EPHA6: variants seen among roughly 807,000 people sequenced by gnomAD.
EPHA6 encodes the protein ephrin type-A receptor 6.
EPHA6 carries 50 observed loss-of-function variants against 112.0 expected under a neutral mutation model. That is an observed-to-expected ratio of 0.45 (90% CI 0.36 to 0.56). EPHA6 has a LOEUF of 0.56. EPHA6 is among the 20% of genes least tolerant of loss of function. The pLI is 0.00. For missense variants in EPHA6, 1,280 were observed against 1,417.4 expected, an observed-to-expected ratio of 0.90 and a Z score of 1.56; for synonymous variants, 529 against 490.7, an observed-to-expected ratio of 1.08 and a Z score of -1.03.
chr3:97,048,308 C>T (rs72918249), intron 3 of EPHA6, among the ~76,000 whole-genome samples: 2,712 of 152,138 alleles, frequency 0.018, 93 homozygotes, highest in African/African-American at 0.061. Flanking sequence ...GTTTAGTAAA[C>T]GGAGTGGAGT....
chr3:96,926,172 A>G (rs2040025765), intron 2 of EPHA6, among the ~76,000 whole-genome samples: 1 of 152,158 alleles, frequency 6.6e-6, no homozygotes, highest in South Asian at 2.1e-4. Flanking sequence ...CATGTCTTAC[A>G]TGGCAGCAGG....
At chr3:97,405,116 C>A (rs1369478809) in intron 5 of EPHA6, 34 bp from the exon 6 acceptor site, 3 of 1,553,736 alleles carry the variant, frequency 1.9e-6, no homozygotes, top group East Asian at 4.7e-5. Flanking sequence ...ATGATTCCTG[C>A]CAATTAATTC....
chr3:97,145,207 C>A (rs538476167), intron 3 of EPHA6, among the ~76,000 whole-genome samples: 1 of 151,298 alleles, frequency 6.6e-6, no homozygotes, highest in South Asian at 2.1e-4. Flanking sequence ...TCAAATAAAA[C>A]TATATTGACA....
At chr3:97,748,290 T>C (rs968437547) in intron 17 of EPHA6, among the ~76,000 whole-genome samples, 1 of 152,072 alleles carries the variant, frequency 6.6e-6, no homozygotes. Flanking sequence ...CATAAGTACC[T>C]GTGTATAAAA....
At chr3:96,854,849 T>TA (rs1181326468) in intron 1 of EPHA6, among the ~76,000 whole-genome samples, 1 of 152,180 alleles carries the variant, frequency 6.6e-6, no homozygotes, top group African/African-American at 2.4e-5. Context: ...GAAGGTGATT[T>TA]AAAAACCTTA....
intron 16 of EPHA6, among the ~76,000 whole-genome samples, chr3:97,736,470 A>AGT (rs376497031): frequency 0.2 from 23,731 of 118,518 alleles, 2,260 homozygotes; most frequent in Non-Finnish European, 0.22. Context: ...AGAGAGAGAG[A>AGT]GTGTGTGTGT....
intron 5 of EPHA6, among the ~76,000 whole-genome samples, chr3:97,327,993 A>G (rs1458881560): frequency 7.3e-6 from 1 of 137,926 alleles, no homozygotes; most frequent in Non-Finnish European, 1.5e-5. Context: ...ATATATGTAT[A>G]TGTGTATGTA....
chr3:97,247,778 G>A (rs2079026062), intron 5 of EPHA6, among the ~76,000 whole-genome samples: 1 of 151,810 alleles, frequency 6.6e-6, no homozygotes, highest in African/African-American at 2.4e-5. Context: ...GAAGATGCTG[G>A]AATTTTTCCA....
At chr3:97,167,694 A>G (rs1272608750) in intron 3 of EPHA6, among the ~76,000 whole-genome samples, 1 of 152,120 alleles carries the variant, frequency 6.6e-6, no homozygotes, top group Non-Finnish European at 1.5e-5. Context: ...TCTAAAGAAT[A>G]GTGTTCATTA....
At position 97,389,823 on chromosome 3, in the gene EPHA6, G is replaced by A. The variant is rs559460045; in HGVS notation, c.1607-15327G>A. 1.5e-4 allele frequency among the ~76,000 whole-genome samples: 23 copies of A among 152,172 alleles called. No individual in the cohort carries two copies. In the South Asian group the frequency reaches 4.8e-3, roughly 32 times the overall value. On this transcript the variant is annotated intron_variant, in intron 5 of 17. Transcript: ENST00000389672. ...TGCAATAAATGTGAAGCAATGTTAT[G>A]TTTAACAAAGATGTCACAAAAATCA...
intron 3 of EPHA6, among the ~76,000 whole-genome samples, chr3:97,182,460 A>G (rs2077015744): frequency 1.3e-5 from 2 of 151,854 alleles, no homozygotes; most frequent in South Asian, 4.1e-4. Flanking sequence ...TAGTTTTACA[A>G]TGACAGTCTT....
chr3:97,111,518 T>C (rs2047723455), intron 3 of EPHA6, among the ~76,000 whole-genome samples: 1 of 152,136 alleles, frequency 6.6e-6, no homozygotes, highest in Non-Finnish European at 1.5e-5. Context: ...AAAAACAGCT[T>C]CTGGGTGGGC....
At chr3:97,030,853 A>G (rs1437840682) in intron 3 of EPHA6, among the ~76,000 whole-genome samples, 1 of 152,060 alleles carries the variant, frequency 6.6e-6, no homozygotes, top group Non-Finnish European at 1.5e-5. Flanking sequence ...GAGTTTTTCT[A>G]TCGCCATAAA....
rs185172356 is a variant in EPHA6, at chr3:97,565,088, G to A, written c.2387-27524G>A. On this transcript the variant is annotated intron_variant, in intron 11 of 17. Coordinates refer to ENST00000389672, the MANE Select transcript of EPHA6 (RefSeq NM_001080448.3). ...TAAAGATCAGAATCGAGTCTAGGGA[G>A]TTTTCTGCCAAAATAAATAAAAACA... 3.4e-3 allele frequency among the ~76,000 whole-genome samples: 511 copies of A among 152,204 alleles called. 3 individuals carry two copies. The highest frequency in any genetic ancestry group is 0.012 in the African/African-American group (487 of 41,538).
chr3:97,046,713 A>C (rs2045519645), intron 3 of EPHA6, among the ~76,000 whole-genome samples: 1 of 152,152 alleles, frequency 6.6e-6, no homozygotes, highest in South Asian at 2.1e-4. Flanking sequence ...CTATCTCCCA[A>C]CAAGAAACAA....
At chr3:97,581,898 T>C (rs2093442232) in intron 11 of EPHA6, among the ~76,000 whole-genome samples, 2 of 152,230 alleles carry the variant, frequency 1.3e-5, no homozygotes. Context: ...CAGGCCAATA[T>C]GGGGTATTCT....
chr3:97,749,021 T>C lies in EPHA6; in HGVS notation c.*320T>C. On this transcript the variant is annotated 3_prime_UTR_variant, in exon 18 of 18. Transcript: ENST00000389672. ...TTCACGGACTTAACCTAAAAAAATT[T>C]ATCCAGGTGGGGCTTCCTTAGTGAT... The C allele has an allele frequency of 3.1e-6, 1 of 319,844 alleles. No individual in the cohort carries two copies. The highest frequency in any genetic ancestry group is 6.9e-5 in the South Asian group (1 of 14,580). The allele number at this position is 319,844 out of a possible 1,614,324, so 19.8% of individuals were successfully genotyped here. A position where few individuals can be genotyped will look rare whatever the true frequency, so the allele number is the denominator to read the frequency against.
intron 3 of EPHA6, among the ~76,000 whole-genome samples, chr3:97,138,590 G>A (rs1442685455): frequency 3.3e-5 from 5 of 152,162 alleles, no homozygotes; most frequent in African/African-American, 1.2e-4. Context: ...CACAGCCAAA[G>A]CTTAAGTCCA....
rs536664409 is a variant in EPHA6 at position 97,182,306 on chromosome 3, T to A, written c.1115-43958T>A. Among the ~76,000 whole-genome samples, 5 of 149,558 alleles carry A rather than the reference T, an allele frequency of 3.3e-5. No homozygotes were observed. In the South Asian group the frequency reaches 1.0e-3, roughly 31 times the overall value. ...GACATTCCATCAGAATGTTGACTTT[T>A]ATCCACAAATTTATTATTATAATAT... On this transcript the variant is annotated intron_variant, in intron 3 of 17. Transcript: ENST00000389672.
Sources: gnomAD v4.1 joint callset for allele counts (sites outside exome capture counted in the v4.1 genomes callset) on GRCh38, gnomAD v4.1.1 for gene constraint, MANE v1.5 for transcripts, NCBI Gene and HGNC (gene_info 2026-07-23, HGNC 2026-07-21) for gene names.